The following OPCML variants were observed in gnomAD, a reference collection of about 807,000 sequenced individuals.
The protein encoded by OPCML is opioid-binding protein/cell adhesion molecule.
Under a neutral mutation model 37.8 loss-of-function variants are expected in OPCML, and 13 were observed. The ratio of observed to expected loss-of-function variants is 0.34; its 90% CI spans 0.22 to 0.55. OPCML has a LOEUF of 0.55. Ranked by LOEUF, OPCML falls within the 20% of genes least tolerant of loss-of-function variation. The probability of loss-of-function intolerance (pLI) is 0.91; values close to 1 mark genes in which losing one functional copy is unlikely to be tolerated. For synonymous variants in OPCML, 176 were observed against 168.8 expected (o/e 1.04, Z -0.33); for missense variants, 341 against 435.6 (o/e 0.78, Z 1.93).
In OPCML at chr11:133,140,994, AGAAGAC is replaced by A. The variant is rs1198377573; in HGVS notation, c.62-197990_62-197985del. Reference sequence around the variant, plus strand: ...AAGAAGAAGAAGAAGAAGAAGAAGAAGAAGACGACGACGACGACGACGACGACGACG... The same window carrying A: ...AAGAAGAAGAAGAAGAAGAAGAAGAAGACGACGACGACGACGACGACGACG... On this transcript the variant is annotated intron_variant, in intron 1 of 7. Coordinates refer to ENST00000524381, the MANE Select transcript of OPCML (RefSeq NM_001012393.5). 2.0e-3 allele frequency among the ~76,000 whole-genome samples: 8 copies of A among 4,090 alleles called. 2 individuals are homozygous for A. The highest frequency in any genetic ancestry group is 0.037 in the South Asian group (2 of 54). The allele number at this position is 4,090 out of a possible 152,430, so 2.7% of individuals were successfully genotyped here.
At chr11:133,333,340 T>C (rs934033385) in intron 1 of OPCML, among the ~76,000 whole-genome samples, 1 of 151,868 alleles carries the variant, frequency 6.6e-6, no homozygotes, top group African/African-American at 2.4e-5. Flanking sequence ...ATTACAGGCA[T>C]AACACAACCA....
chr11:132,518,411 A>AGACC (rs2096284993), intron 4 of OPCML, among the ~76,000 whole-genome samples: 2 of 152,138 alleles, frequency 1.3e-5, no homozygotes, highest in South Asian at 4.1e-4. Flanking sequence ...TAACTCTTTA[A>AGACC]AGGGCTGTAG....
At chr11:132,891,076 T>G (rs1013717235) in intron 2 of OPCML, among the ~76,000 whole-genome samples, 1 of 152,172 alleles carries the variant, frequency 6.6e-6, no homozygotes, top group Non-Finnish European at 1.5e-5. Context: ...TTATTTACCT[T>G]AAGAGAAATC....
At chr11:133,135,537 C>T (rs1298869253) in intron 1 of OPCML, among the ~76,000 whole-genome samples, 2 of 151,644 alleles carry the variant, frequency 1.3e-5, no homozygotes, top group Non-Finnish European at 2.9e-5. Flanking sequence ...TAAACCTGTC[C>T]CTACCCAGTT....
intron 2 of OPCML, among the ~76,000 whole-genome samples, chr11:132,925,195 C>T (rs957242432): frequency 6.6e-6 from 1 of 152,132 alleles, no homozygotes; most frequent in African/African-American, 2.4e-5. Context: ...TCCCAATATT[C>T]CTTTAGCACA....
At chr11:133,082,526 C>T in intron 1 of OPCML, among the ~76,000 whole-genome samples, 1 of 138,848 alleles carries the variant, frequency 7.2e-6, no homozygotes, top group Non-Finnish European at 1.6e-5. Context: ...CCCCTCCTCC[C>T]CTCCTCATCC....
At chr11:133,446,749 T>C (rs566682095) in intron 1 of OPCML, among the ~76,000 whole-genome samples, 6 of 152,230 alleles carry the variant, frequency 3.9e-5, no homozygotes, top group Non-Finnish European at 2.9e-5. Flanking sequence ...TTTTTCTCTA[T>C]AGATTTGCCT....
intron 4 of OPCML, among the ~76,000 whole-genome samples, chr11:132,464,819 A>G (rs546613675): frequency 1.4e-4 from 21 of 152,272 alleles, no homozygotes; most frequent in African/African-American, 4.6e-4. Context: ...AAAGATTCAA[A>G]CAATTAAGAA....
At chr11:133,439,418 G>C in intron 1 of OPCML, 1 of 984,998 alleles carries the variant, frequency 1.0e-6, no homozygotes, top group Non-Finnish European at 1.2e-6. Flanking sequence ...AATAGGAAAT[G>C]CTTATGAGGC....
intron 1 of OPCML, among the ~76,000 whole-genome samples, chr11:133,351,176 T>G (rs1239178666): frequency 2.6e-5 from 4 of 152,200 alleles, no homozygotes; most frequent in African/African-American, 9.6e-5. Flanking sequence ...TTTCAAAATC[T>G]TGTCAATATC....
chr11:133,228,045 G>T (rs534634132), intron 1 of OPCML, among the ~76,000 whole-genome samples: 28 of 152,276 alleles, frequency 1.8e-4, no homozygotes, highest in African/African-American at 6.3e-4. Context: ...CTTAGGTGAG[G>T]TTTTCATCTT....
chr11:132,709,819 G>A (rs189982508), intron 2 of OPCML, among the ~76,000 whole-genome samples: 27 of 152,286 alleles, frequency 1.8e-4, no homozygotes, highest in African/African-American at 3.1e-4. Context: ...ATTGATACGC[G>A]TCAGAGGGGA....
chr11:132,515,013 C>A (rs1188743612), intron 4 of OPCML, among the ~76,000 whole-genome samples: 1 of 152,058 alleles, frequency 6.6e-6, no homozygotes, highest in Non-Finnish European at 1.5e-5. Context: ...AGGAGGAGGT[C>A]CTGGAGAGGC....
chr11:133,004,732 G>A lies in OPCML; in HGVS notation c.62-61722C>T, dbSNP rs528501506. ...CTGACTTTAGCTGTCTACTGAGAAG[G>A]TTCACACCGGACGCGTGGATGGACG... On this transcript the variant is annotated intron_variant, in intron 1 of 7. Transcript: ENST00000524381. 5.1e-6 allele frequency: 5 copies of A among 985,286 alleles called. No individual in the cohort carries two copies. The African/African-American group carries it at 8.7e-5, about 17-fold the overall frequency. 61.0% of individuals were successfully genotyped at this position (985,286 alleles called of 1,614,324 possible).
intron 2 of OPCML, among the ~76,000 whole-genome samples, chr11:132,828,667 C>T (rs1283700871): frequency 9.2e-5 from 14 of 152,056 alleles, no homozygotes; most frequent in Admixed American, 9.2e-4. Context: ...ATATTTCTTT[C>T]CTCATGTCAT....
At chr11:133,149,653 G>C (rs188794921) in intron 1 of OPCML, among the ~76,000 whole-genome samples, 2 of 152,300 alleles carry the variant, frequency 1.3e-5, no homozygotes, top group African/African-American at 4.8e-5. Flanking sequence ...TGGAAACTTT[G>C]TCCAATTAGT....
chr11:132,665,673 C>A (rs1942188096), intron 2 of OPCML, among the ~76,000 whole-genome samples: 1 of 152,150 alleles, frequency 6.6e-6, no homozygotes, highest in South Asian at 2.1e-4. Context: ...CCAGAGAAAG[C>A]TCTCTGAACA....
intron 1 of OPCML, among the ~76,000 whole-genome samples, chr11:133,396,889 T>G (rs550043267): frequency 1.3e-5 from 2 of 152,306 alleles, no homozygotes; most frequent in East Asian, 3.9e-4. Flanking sequence ...CAAATATTTA[T>G]TCCTACTTCT....
intron 1 of OPCML, among the ~76,000 whole-genome samples, chr11:133,140,721 G>A (rs1300211206): frequency 0.032 from 740 of 23,248 alleles, 14 homozygotes; most frequent in African/African-American, 0.058. Context: ...AGACGAAGAC[G>A]GAAGACGACG....
Sources: allele counts gnomAD v4.1 joint callset (sites outside exome capture counted in the v4.1 genomes callset), GRCh38; gene constraint gnomAD v4.1.1; transcripts MANE v1.5; gene names NCBI Gene and HGNC (gene_info 2026-07-23, HGNC 2026-07-21).